Variants in ERC1 observed in about 807,000 individuals in gnomAD.
The protein encoded by ERC1 is RAB6 interacting protein 2.
In ERC1, 56 loss-of-function variants were observed where a neutral mutation model predicts 132.0. The observed-to-expected ratio is 0.42, with a 90% CI of 0.34 to 0.53. The LOEUF (loss-of-function observed/expected upper bound fraction) is 0.53, where lower values mean the gene tolerates loss of function less well. Ranked by LOEUF, ERC1 falls within the 20% of genes least tolerant of loss-of-function variation. ERC1 has a pLI of 0.03. For synonymous variants in ERC1, 478 were observed against 476.1 expected, an observed-to-expected ratio of 1.00 and a Z score of -0.05; for missense variants, 1,202 against 1,349.9, an observed-to-expected ratio of 0.89 and a Z score of 1.72.
At chr12:1,312,260 A>C (rs1385677183) in intron 15 of ERC1, among the ~76,000 whole-genome samples, 1 of 152,208 alleles carries the variant, frequency 6.6e-6, no homozygotes, top group East Asian at 1.9e-4. Context: ...AGCTTTAAGC[A>C]GTAAAGGTAT....
At chr12:1,056,690 T>C (rs1973035229) in intron 2 of ERC1, among the ~76,000 whole-genome samples, 1 of 152,120 alleles carries the variant, frequency 6.6e-6, no homozygotes, top group African/African-American at 2.4e-5. Context: ...TTACTATACA[T>C]GTGGTGACAA....
intron 15 of ERC1, among the ~76,000 whole-genome samples, chr12:1,363,415 C>T (rs576981045): frequency 1.3e-5 from 2 of 152,234 alleles, no homozygotes; most frequent in African/African-American, 4.8e-5. Flanking sequence ...ATTTACTGAG[C>T]TATAATCACC....
intron 18 of ERC1, among the ~76,000 whole-genome samples, chr12:1,456,991 C>T (rs933528789): frequency 1.3e-5 from 2 of 152,152 alleles, no homozygotes; most frequent in Admixed American, 6.5e-5. Context: ...CAGTCGATGA[C>T]GGACCCCATG....
rs570148146 is a variant in ERC1, at chr12:1,322,462, C to T, written c.2780+32450C>T. Among the ~76,000 whole-genome samples the T allele has an allele frequency of 3.1e-3, 471 of 152,244 alleles. 1 individual carries two copies. The highest frequency in any genetic ancestry group is 5.4e-3 in the Non-Finnish European group (366 of 67,988). ...AGCAGCATCCATAGTAATTTACTTT[C>T]ATTTGTACAATTTTCTATGAGAAAA... On this transcript the variant is annotated intron_variant, in intron 15 of 18. Coordinates refer to ENST00000360905, the MANE Select transcript of ERC1 (RefSeq NM_178040.4).
Position 1,236,691 on chromosome 12 carries a change from T to A in ERC1, c.2352-78T>A, listed in dbSNP as rs370666706. On this transcript the variant is annotated intron_variant, in intron 12 of 18. Coordinates refer to ENST00000360905, the MANE Select transcript of ERC1 (RefSeq NM_178040.4). ...GTTTTCAGCCATTCCTTATTGTCAC[T>A]GGTGTAAGTCTCTAGATAAACATAT... 1.4e-5 allele frequency: 19 copies of A among 1,376,430 alleles called. No individual in the cohort carries two copies. The African/African-American group carries it at 2.3e-4, about 17-fold the overall frequency. The allele number at this position is 1,376,430 out of a possible 1,614,324, so 85.3% of individuals were successfully genotyped here. A position where few individuals can be genotyped will look rare whatever the true frequency, so the allele number is the denominator to read the frequency against.
chr12:1,301,994 C>T (rs533294368), intron 15 of ERC1, among the ~76,000 whole-genome samples: 1 of 152,218 alleles, frequency 6.6e-6, no homozygotes, highest in South Asian at 2.1e-4. Context: ...GAAATACTTA[C>T]CAAGTCAGCT....
chr12:1,426,409 G>T (rs956265576), intron 17 of ERC1, among the ~76,000 whole-genome samples: 1 of 152,110 alleles, frequency 6.6e-6, no homozygotes, highest in Admixed American at 6.6e-5. Flanking sequence ...CCGGCCTTTA[G>T]AACATTCTTT....
intron 2 of ERC1, among the ~76,000 whole-genome samples, chr12:1,056,212 TA>T (rs1239669655): frequency 6.6e-6 from 1 of 152,050 alleles, no homozygotes; most frequent in African/African-American, 2.4e-5. Context: ...TTTTCCCCCG[TA>T]ATGAACACGT....
chr12:1,107,644 T>C (rs901786706), intron 4 of ERC1, among the ~76,000 whole-genome samples: 9 of 151,168 alleles, frequency 6.0e-5, no homozygotes, highest in African/African-American at 1.7e-4. Flanking sequence ...ATGGCAAGAG[T>C]GGTGATTGAA....
intron 15 of ERC1, among the ~76,000 whole-genome samples, chr12:1,356,213 AGTGT>A (rs71055145): frequency 0.23 from 29,945 of 129,742 alleles, 3,506 homozygotes; most frequent in Non-Finnish European, 0.27. Flanking sequence ...AAAAAAAAAA[AGTGT>A]GTGTGTGTGT....
intron 2 of ERC1, among the ~76,000 whole-genome samples, chr12:1,050,884 A>G (rs1319818620): frequency 6.6e-6 from 1 of 152,132 alleles, no homozygotes; most frequent in Non-Finnish European, 1.5e-5. Flanking sequence ...GCGTTCCTGT[A>G]GTCCCAGCTA....
At chr12:1,006,131 AT>A (rs1963529854) in intron 1 of ERC1, among the ~76,000 whole-genome samples, 1 of 151,686 alleles carries the variant, frequency 6.6e-6, no homozygotes, top group African/African-American at 2.4e-5. Flanking sequence ...TCATTTTTGT[AT>A]TTTTAGTAGA....
intron 13 of ERC1, among the ~76,000 whole-genome samples, chr12:1,260,921 AC>A (rs1421684578): frequency 1.3e-5 from 2 of 152,190 alleles, no homozygotes; most frequent in African/African-American, 2.4e-5. Flanking sequence ...AAGATTTTGA[AC>A]CAGGCTTTGT....
At chr12:1,102,503 G>A (rs543692461) in intron 3 of ERC1, among the ~76,000 whole-genome samples, 4 of 152,182 alleles carry the variant, frequency 2.6e-5, no homozygotes, top group African/African-American at 9.6e-5. Flanking sequence ...GAAATAGGAG[G>A]TGTACAAAAT....
intron 16 of ERC1, among the ~76,000 whole-genome samples, chr12:1,383,427 G>C (rs888572443): frequency 2.2e-5 from 3 of 137,988 alleles, no homozygotes; most frequent in African/African-American, 7.8e-5. Flanking sequence ...ATCTGTTCCT[G>C]CTGCCTCTTT....
At position 1,196,450 on chromosome 12, in the gene ERC1, G is replaced by A. The variant is rs574393117; in HGVS notation, c.2351+6398G>A. Among the ~76,000 whole-genome samples, 10 of 150,428 alleles carry A rather than the reference G, an allele frequency of 6.6e-5. No individual in the cohort carries two copies. The South Asian group carries it at 2.1e-3, about 32-fold the overall frequency. On this transcript the variant is annotated intron_variant, in intron 12 of 18. Coordinates refer to ENST00000360905, the MANE Select transcript of ERC1 (RefSeq NM_178040.4). ...ATTTTAGCTGCCCTGTCTACATCAT[G>A]ACTTTTTGGGTTGGGGGGGTATGTG...
At chr12:1,146,914 G>A (rs368092777) in intron 8 of ERC1, among the ~76,000 whole-genome samples, 3 of 151,964 alleles carry the variant, frequency 2.0e-5, no homozygotes, top group African/African-American at 7.3e-5. Flanking sequence ...GACAATGATG[G>A]TTTCCAGTTT....
chr12:1,295,541 AC>A (rs1195248753), intron 15 of ERC1, among the ~76,000 whole-genome samples: 8 of 152,096 alleles, frequency 5.3e-5, no homozygotes, highest in Non-Finnish European at 1.0e-4. Flanking sequence ...TGGAGTTCCA[AC>A]CCAGTCAACA....
At position 1,109,960 on chromosome 12, in the gene ERC1, A is replaced by G. The variant is rs183372353; in HGVS notation, c.1162-232A>G. ...CTACTTGGGAGGCTGAGGCAGGAGA[A>G]CTGCTTGAACCCAGAGGCAGAGGTT... On this transcript the variant is annotated intron_variant, in intron 4 of 18. Coordinates refer to ENST00000360905, the MANE Select transcript of ERC1 (RefSeq NM_178040.4). Among the ~76,000 whole-genome samples the G allele has an allele frequency of 3.7e-4, 56 of 152,330 alleles. 1 individual carries two copies. In the East Asian group the frequency reaches 8.1e-3, roughly 22 times the overall value.
Sources: allele counts gnomAD v4.1 joint callset (sites outside exome capture counted in the v4.1 genomes callset), GRCh38; gene constraint gnomAD v4.1.1; transcripts MANE v1.5; gene names NCBI Gene and HGNC (gene_info 2026-07-23, HGNC 2026-07-21).